Variants in RABGAP1L observed in about 807,000 individuals in gnomAD.
RABGAP1L encodes the protein RAB GTPase activating protein 1 like.
In RABGAP1L, 63 loss-of-function variants were observed where a neutral mutation model predicts 137.7. The observed-to-expected ratio is 0.46, with a 90% CI of 0.37 to 0.56. The LOEUF is 0.56. RABGAP1L is among the 20% of genes least tolerant of loss of function. The pLI is 0.00. For synonymous variants in RABGAP1L, 431 were observed against 433.7 expected, an observed-to-expected ratio of 0.99 and a Z score of 0.08; for missense variants, 1,095 against 1,244.0, an observed-to-expected ratio of 0.88 and a Z score of 1.80.
chr1:174,793,939 C>T (rs994217618), intron 18 of RABGAP1L, among the ~76,000 whole-genome samples: 6 of 152,088 alleles, frequency 3.9e-5, no homozygotes, highest in East Asian at 1.9e-4. Context: ...TCAAGCGATC[C>T]GCCCACCTCG....
chr1:174,276,735 A>C (rs752413624), intron 9 of RABGAP1L, among the ~76,000 whole-genome samples: 13 of 151,960 alleles, frequency 8.6e-5, no homozygotes, highest in Non-Finnish European at 1.6e-4. Context: ...TAGTTTTTTA[A>C]CTTTTCATAT....
intron 13 of RABGAP1L, among the ~76,000 whole-genome samples, chr1:174,510,291 G>T (rs1572108856): frequency 6.6e-6 from 1 of 152,104 alleles, no homozygotes; most frequent in Non-Finnish European, 1.5e-5. Context: ...CTTCATGAGG[G>T]CAATGATTTT....
intron 13 of RABGAP1L, among the ~76,000 whole-genome samples, chr1:174,566,669 C>T (rs1213594082): frequency 1.3e-5 from 2 of 152,106 alleles, no homozygotes; most frequent in African/African-American, 2.4e-5. Context: ...GTATTTGAGT[C>T]TTTGCGAGGC....
chr1:174,470,019 A>G (rs1402826828), intron 13 of RABGAP1L, among the ~76,000 whole-genome samples: 1 of 152,132 alleles, frequency 6.6e-6, no homozygotes, highest in East Asian at 1.9e-4. Context: ...TGAGAATTTC[A>G]GCCTAAAAAT....
intron 13 of RABGAP1L, among the ~76,000 whole-genome samples, chr1:174,614,012 A>G (rs1171567705): frequency 2.6e-5 from 4 of 152,038 alleles, no homozygotes; most frequent in Non-Finnish European, 2.9e-5. Flanking sequence ...TCTTTATCCA[A>G]TTTGCCAGTC....
chr1:174,711,714 G>A (rs147366735), intron 17 of RABGAP1L, among the ~76,000 whole-genome samples: 67 of 152,306 alleles, frequency 4.4e-4, no homozygotes, highest in African/African-American at 1.3e-3. Context: ...CCGCACGCCC[G>A]AGCCTCCCTG....
intron 13 of RABGAP1L, among the ~76,000 whole-genome samples, chr1:174,532,425 T>A (rs576320354): frequency 2.0e-5 from 3 of 152,040 alleles, no homozygotes; most frequent in Admixed American, 6.6e-5. Flanking sequence ...GCCAGGCTGG[T>A]CTTGAACTCC....
chr1:174,577,618 T>G (rs1248607285), intron 13 of RABGAP1L, among the ~76,000 whole-genome samples: 1 of 152,156 alleles, frequency 6.6e-6, no homozygotes, highest in African/African-American at 2.4e-5. Flanking sequence ...CTAAAATATA[T>G]AGTTTCCTAG....
intron 17 of RABGAP1L, among the ~76,000 whole-genome samples, chr1:174,712,113 G>A (rs1461502607): frequency 2.0e-5 from 3 of 152,148 alleles, no homozygotes; most frequent in Non-Finnish European, 4.4e-5. Flanking sequence ...GGACCAATCG[G>A]CTCTCTGTAA....
At chr1:174,371,245 T>C (rs2149000100) in intron 12 of RABGAP1L, among the ~76,000 whole-genome samples, 173 bp downstream of exon 12, 1 of 152,146 alleles carries the variant, frequency 6.6e-6, no homozygotes, top group South Asian at 2.1e-4. Context: ...TAGATACTCT[T>C]TATGTTTGGC....
intron 11 of RABGAP1L, among the ~76,000 whole-genome samples, chr1:174,358,295 C>G (rs10912768): frequency 0.12 from 17,563 of 152,104 alleles, 3,424 homozygotes; most frequent in African/African-American, 0.4. Context: ...TCCATTTATG[C>G]AAATGAAAGA....
intron 13 of RABGAP1L, among the ~76,000 whole-genome samples, chr1:174,437,460 AG>A (rs1352778373): frequency 5.9e-5 from 9 of 152,232 alleles, no homozygotes; most frequent in Non-Finnish European, 1.3e-4. Flanking sequence ...ACTGGAAGAA[AG>A]GGTATCAGCG....
chr1:174,434,102 T>TACACACAC (rs1400358664), intron 13 of RABGAP1L, among the ~76,000 whole-genome samples: 51 of 102,834 alleles, frequency 5.0e-4, no homozygotes, highest in African/African-American at 2.1e-3. Context: ...CGCATGCGTG[T>TACACACAC]ACACATACAC....
chr1:174,287,942 T>C (rs948629844), intron 10 of RABGAP1L, among the ~76,000 whole-genome samples: 2 of 152,194 alleles, frequency 1.3e-5, no homozygotes, highest in Non-Finnish European at 2.9e-5. Flanking sequence ...ATTTGGTGAC[T>C]TTTTGTGATG....
chr1:174,460,224 A>C (rs950968751), intron 13 of RABGAP1L, among the ~76,000 whole-genome samples: 3 of 145,778 alleles, frequency 2.1e-5, no homozygotes, highest in Non-Finnish European at 4.6e-5. Context: ...CTTTCACATA[A>C]TTAACTTCCT....
At chr1:174,968,509 T>TC (rs1238442055) in intron 20 of RABGAP1L, among the ~76,000 whole-genome samples, 6 of 151,744 alleles carry the variant, frequency 4.0e-5, no homozygotes, top group East Asian at 1.9e-4. Flanking sequence ...GGTTTTTTTT[T>TC]TTTCTTTCTT....
chr1:174,458,641 C>T (rs1656314453), intron 13 of RABGAP1L, among the ~76,000 whole-genome samples: 1 of 152,020 alleles, frequency 6.6e-6, no homozygotes, highest in Non-Finnish European at 1.5e-5. Flanking sequence ...ATCTACATTA[C>T]TTATATTTAG....
At chr1:174,428,519 C>A (rs907617279) in intron 13 of RABGAP1L, among the ~76,000 whole-genome samples, 1 of 152,112 alleles carries the variant, frequency 6.6e-6, no homozygotes, top group Non-Finnish European at 1.5e-5. Flanking sequence ...ACTGTAAACT[C>A]AAAAATTAAG....
chr1:174,994,009 G>T lies in RABGAP1L; in HGVS notation c.*4008G>T, dbSNP rs1422874160. On this transcript the variant is annotated 3_prime_UTR_variant, in exon 26 of 26. Transcript: ENST00000681986. ...AATACACATTGAGATTTCAAGAAAT[G>T]ATGATGAAAGCCAGAAGGCCAGACC... is the stretch of plus-strand genomic sequence containing the variant. 6.6e-6 allele frequency: 1 copy of T among 152,206 alleles called. No individual in the cohort carries two copies. Among genetic ancestry groups the T allele is most frequent in the Admixed American group, 6.5e-5 (1 of 15,282 alleles). 9.4% of individuals were successfully genotyped at this position (152,206 alleles called of 1,614,324 possible). A position where few individuals can be genotyped will look rare whatever the true frequency, so the allele number is the denominator to read the frequency against.
Sources: allele counts gnomAD v4.1 joint callset (sites outside exome capture counted in the v4.1 genomes callset), GRCh38; gene constraint gnomAD v4.1.1; transcripts MANE v1.5; gene names NCBI Gene and HGNC (gene_info 2026-07-23, HGNC 2026-07-21).